Variants in FARSA observed in about 807,000 individuals in gnomAD.
FARSA encodes phenylalanyl-tRNA synthetase subunit alpha.
In FARSA, 37 loss-of-function variants were observed where a neutral mutation model predicts 63.2. That is an observed-to-expected ratio of 0.59 (90% CI 0.45 to 0.77). The LOEUF is 0.77. Ranked by LOEUF, FARSA falls within the 30% of genes least tolerant of loss-of-function variation. FARSA has a pLI of 0.00. For missense variants in FARSA, 618 were observed against 696.6 expected, an observed-to-expected ratio of 0.89 and a Z score of 1.27; for synonymous variants, 312 against 285.1, an observed-to-expected ratio of 1.09 and a Z score of -0.95.
rs951140957 is a variant in FARSA, at chr19:12,924,051, T to C, written c.1388+100A>G. ...GTACTCACGATGAAAGTTTTGTCCA[T>C]TGGATGAATGAATGGGTGGTGCTGA... On this transcript the variant is annotated intron_variant, in intron 12 of 12. Transcript: ENST00000314606. The surrounding 1 kb of genome is among the most constrained non-coding windows in gnomAD (Gnocchi z 6.4). 1.4e-5 allele frequency: 12 copies of C among 874,288 alleles called. 1 individual carries two copies. The highest frequency in any genetic ancestry group is 1.2e-4 in the African/African-American group (7 of 60,658). 54.2% of individuals were successfully genotyped at this position (874,288 alleles called of 1,614,324 possible).
Position 12,924,882 on chromosome 19 carries a change from C to T in FARSA, c.1026+22G>A, listed in dbSNP as rs543097283. 3.1e-6 allele frequency: 5 copies of T among 1,613,908 alleles called. No individual in the cohort carries two copies. Among genetic ancestry groups the T allele is most frequent in the South Asian group, 1.1e-5 (1 of 91,072 alleles). On this transcript the variant is annotated intron_variant, in intron 9 of 12. Transcript: ENST00000314606. The surrounding 1 kb of genome is among the most constrained non-coding windows in gnomAD (Gnocchi z 6.4). ...TGACAGCACCCTCTCCCCACTGGGG[C>T]CCCCGCCTGGGCCAACCGCACCTTC...
At position 12,924,205 on chromosome 19, in the gene FARSA, G is replaced by C; in HGVS notation, c.1334C>G (p.Pro445Arg). Reference protein sequence around the residue: ...SGVFRPEMLLPMGLPENVSVI... With the variant: ...SGVFRPEMLLRMGLPENVSVI... ...CGACACGTTCTCGGGAAGCCCCATG[G>C]GCAGCAGCATCTCTGGACGGAAGAC... Residue 445 changes from proline (P) to arginine (R), a missense_variant, in exon 12 of 13, where the codon CCC (proline) becomes CGC (arginine). Pro to Arg is a moderately radical substitution (Grantham distance 103, BLOSUM62 -2). Coordinates refer to ENST00000314606, the MANE Select transcript of FARSA (RefSeq NM_004461.3). The surrounding 1 kb of genome is among the most constrained non-coding windows in gnomAD (Gnocchi z 6.4). The C allele has an allele frequency of 6.2e-7, 1 of 1,614,142 alleles. No individual in the cohort carries two copies. Among genetic ancestry groups the C allele is most frequent in the Non-Finnish European group, 8.5e-7 (1 of 1,180,038 alleles).
chr19:12,933,049 A>C (rs1971413289), intron 1 of FARSA: 1 of 162,022 alleles, frequency 6.2e-6, no homozygotes, highest in South Asian at 1.3e-4. Context: ...TAAAGACCTA[A>C]GAGGCTTTGC....
At position 12,925,405 on chromosome 19, in the gene FARSA, T is replaced by G. The variant is rs1450041521; in HGVS notation, c.842-231A>C. ...CAGAGTCTTGTTCAGTTGGCCCAGCTGAAGTACAATGGCTCAATCTTGGCT... is the reference window on the plus strand; with the variant it reads ...CAGAGTCTTGTTCAGTTGGCCCAGCGGAAGTACAATGGCTCAATCTTGGCT... On this transcript the variant is annotated intron_variant, in intron 7 of 12. Coordinates refer to ENST00000314606, the MANE Select transcript of FARSA (RefSeq NM_004461.3). Among the ~76,000 whole-genome samples, 4 of 152,082 alleles carry G rather than the reference T, an allele frequency of 2.6e-5. No homozygotes were observed. The East Asian group carries it at 7.7e-4, about 29-fold the overall frequency.
Position 12,924,605 on chromosome 19 carries a change from C to T in FARSA, c.1195+34G>A, listed in dbSNP as rs1276375291. 6.2e-7 allele frequency: 1 copy of T among 1,612,172 alleles called. No homozygotes were observed. Among genetic ancestry groups the T allele is most frequent in the Non-Finnish European group, 8.5e-7 (1 of 1,179,228 alleles). ...TGATCAACACACCTGCCCGCTGCCT[C>T]ACCACCATGGCCCACCCCTGCCCCC... On this transcript the variant is annotated intron_variant, in intron 10 of 12. Transcript: ENST00000314606. This position sits in a 1 kb window ranked among gnomAD's most constrained non-coding sequence, Gnocchi z 6.4.
rs527852329 is a variant in FARSA, at chr19:12,924,351, T to C, written c.1274-86A>G. On this transcript the variant is annotated intron_variant, in intron 11 of 12. Transcript: ENST00000314606. The surrounding 1 kb of genome is among the most constrained non-coding windows in gnomAD (Gnocchi z 6.4). The stretch of plus-strand genomic sequence containing the variant: ...CAGGTTCTGGGTCTAGGTGGTGAGC[T>C]TGGGAGGTGGGGTACAGGCATGGCA... 4 of 1,536,498 alleles carry C rather than the reference T, an allele frequency of 2.6e-6. No individual in the cohort carries two copies. The highest frequency in any genetic ancestry group is 1.4e-5 in the African/African-American group (1 of 73,526).
At chr19:12,929,849 G>T (rs1323637573) in intron 4 of FARSA, among the ~76,000 whole-genome samples, 1 of 152,148 alleles carries the variant, frequency 6.6e-6, no homozygotes, top group Non-Finnish European at 1.5e-5. Flanking sequence ...TCTGGTGTGT[G>T]TTCATTAAAC....
chr19:12,930,625 T>C lies in FARSA; in HGVS notation c.272A>G (p.Gln91Arg), dbSNP rs774117028. 7.4e-6 allele frequency: 12 copies of C among 1,611,950 alleles called. No homozygotes were observed. The highest frequency in any genetic ancestry group is 1.0e-5 in the Non-Finnish European group (12 of 1,178,470). ...FRSIPPEGLA[Q>R]SELMRLPSGK... is the part of the protein sequence containing the mutation. ...CGCAGCTCCTACCATAAGCTCGCTC[T>C]GGGCCAGGCCCTCTGGGGGAATGCT... Residue 91 changes from glutamine (Q) to arginine (R), a missense_variant, in exon 2 of 13, where the codon CAG (glutamine) becomes CGG (arginine). By Grantham distance (43) the Gln-to-Arg change is conservative (BLOSUM62 1). Coordinates refer to ENST00000314606, the MANE Select transcript of FARSA (RefSeq NM_004461.3).
In FARSA at chr19:12,933,685, A is replaced by C; in HGVS notation, c.12T>G (p.Gly4=). Residue 4 remains glycine, a synonymous_variant, in exon 1 of 13, where the codon GGT becomes GGG. Transcript: ENST00000314606. The stretch of plus-strand genomic sequence containing the variant: ...GCCGGAGCAGCAGTTCCGCCACCTG[A>C]CCATCCGCCATGACTCCTTCCAGTG... MAD[G]QVAELLLRRL... is the part of the protein sequence containing the mutation. 3.2e-6 allele frequency: 5 copies of C among 1,568,696 alleles called. No homozygotes were observed. The highest frequency in any genetic ancestry group is 4.3e-6 in the Non-Finnish European group (5 of 1,161,440).
chr19:12,924,663 G>C lies in FARSA; in HGVS notation c.1171C>G (p.Leu391Val), dbSNP rs771092341. The change falls in exon 10 of 13, where the codon CTG (leucine) becomes GTG (valine). Residue 391 changes from leucine (L) to valine (V), a missense_variant. Transcript: ENST00000314606. The surrounding 1 kb of genome is among the most constrained non-coding windows in gnomAD (Gnocchi z 6.4). ...CCCAGCTTGGTGAAGAACTCCCGCA[G>C]AACGCCCATGAGGTGGCCCAAGGTG... is the stretch of plus-strand genomic sequence containing the variant. ...GLTLGHLMGV[L>V]REFFTKLGIT... The C allele has an allele frequency of 1.3e-6, 2 of 1,597,048 alleles. No individual in the cohort carries two copies. Among genetic ancestry groups the C allele is most frequent in the African/African-American group, 2.7e-5 (2 of 74,828 alleles).
chr19:12,926,264 T>C (rs1273523824), intron 7 of FARSA, among the ~76,000 whole-genome samples: 3 of 142,404 alleles, frequency 2.1e-5, no homozygotes, highest in Non-Finnish European at 4.6e-5. Flanking sequence ...TTTTTTTTTT[T>C]AAAGGGACAA....
At chr19:12,927,980 C>T (rs1198522588) in intron 7 of FARSA, among the ~76,000 whole-genome samples, 1 of 141,544 alleles carries the variant, frequency 7.1e-6, no homozygotes, top group East Asian at 2.1e-4. Context: ...CAAGATCATG[C>T]CACTGCACAC....
In FARSA at chr19:12,924,715, G is replaced by C. The variant is rs1473120629; in HGVS notation, c.1119C>G (p.Ile373Met). The C allele has an allele frequency of 6.3e-7, 1 of 1,598,242 alleles. No homozygotes were observed. ...DATHLAEFHQ[I>M]EGVVADHGLT... The stretch of plus-strand genomic sequence containing the variant: ...GACCATGATCCGCCACCACGCCCTC[G>C]ATCTGGTGGAACTCAGCCAGGTGCG... The change falls in exon 10 of 13, where the codon ATC (isoleucine) becomes ATG (methionine). Residue 373 changes from isoleucine to methionine, a missense_variant. By Grantham distance (10) the Ile-to-Met change is conservative (BLOSUM62 1). Transcript: ENST00000314606. The surrounding 1 kb of genome is among the most constrained non-coding windows in gnomAD (Gnocchi z 6.4).
chr19:12,932,069 C>T (rs1456730340), intron 1 of FARSA, among the ~76,000 whole-genome samples: 2 of 138,870 alleles, frequency 1.4e-5, no homozygotes, highest in Non-Finnish European at 3.0e-5. Flanking sequence ...GACGGAGTCT[C>T]GCTCTGTCGC....
chr19:12,922,696 G>A lies in FARSA; in HGVS notation c.*52C>T. ...AAGGTCACTGGCCAGGGATGCAAAG[G>A]AGCGCAGCAGCAGGGACTCGGGGAG... is the stretch of plus-strand genomic sequence containing the variant. On this transcript the variant is annotated 3_prime_UTR_variant, in exon 13 of 13. Coordinates refer to ENST00000314606, the MANE Select transcript of FARSA (RefSeq NM_004461.3). The A allele has an allele frequency of 6.2e-7, 1 of 1,605,518 alleles. No homozygotes were observed. The highest frequency in any genetic ancestry group is 8.5e-7 in the Non-Finnish European group (1 of 1,178,016).
intron 1 of FARSA, 171 bp downstream of exon 1, chr19:12,933,379 G>C (rs1239454030): frequency 2.9e-6 from 2 of 687,926 alleles, no homozygotes; most frequent in Non-Finnish European, 4.7e-6. Flanking sequence ...AGGAACATCC[G>C]TGCGTCTGGG....
chr19:12,930,403 C>T (rs369005146), intron 3 of FARSA, 26 bp downstream of exon 3: 2 of 1,612,994 alleles, frequency 1.2e-6, no homozygotes, highest in African/African-American at 1.3e-5. Context: ...GTCCACCTGC[C>T]CCCTGACCAG....
In FARSA at chr19:12,933,602, A is replaced by G. The variant is rs1971419324; in HGVS notation, c.95T>C (p.Met32Thr). Residue 32 changes from methionine (M) to threonine (T), a missense_variant, in exon 1 of 13, where the codon ATG becomes ACG. By Grantham distance (81) the Met-to-Thr change is moderately conservative. Coordinates refer to ENST00000314606, the MANE Select transcript of FARSA (RefSeq NM_004461.3). ...GGCGCCCACCACCGCCTGGTGCTCCATGCCCAGCTCAGCCGCCAACTCGGC... is the reference window on the plus strand; with the variant it reads ...GGCGCCCACCACCGCCTGGTGCTCCGTGCCCAGCTCAGCCGCCAACTCGGC... ...DSAELAAELG[M>T]EHQAVVGAVK... 3 of 1,554,908 alleles carry G rather than the reference A, an allele frequency of 1.9e-6. No individual in the cohort carries two copies. The highest frequency in any genetic ancestry group is 2.7e-5 in the African/African-American group (2 of 73,560).
At chr19:12,932,797 G>C (rs1457181114) in intron 1 of FARSA, among the ~76,000 whole-genome samples, 2 of 152,182 alleles carry the variant, frequency 1.3e-5, no homozygotes, top group African/African-American at 4.8e-5. Flanking sequence ...GCCCAAGTCA[G>C]AAGGCTGGAC....
Sources: allele counts gnomAD v4.1 joint callset (sites outside exome capture counted in the v4.1 genomes callset), GRCh38; gene constraint gnomAD v4.1.1; non-coding constraint Gnocchi (gnomAD v3.1); transcripts MANE v1.5; gene names NCBI Gene and HGNC (gene_info 2026-07-23, HGNC 2026-07-21).